The following CCSER1 variants were observed in gnomAD, a reference collection of about 807,000 sequenced individuals.
The protein encoded by CCSER1 is coiled-coil serine rich protein 1, also known as serine-rich coiled-coil domain-containing protein 1.
CCSER1 carries 41 observed loss-of-function variants against 82.0 expected under a neutral mutation model. The ratio of observed to expected loss-of-function variants is 0.50; its 90% confidence interval spans 0.39 to 0.65. CCSER1 has a LOEUF of 0.65. Ranked by LOEUF, CCSER1 falls within the 30% of genes least tolerant of loss-of-function variation. CCSER1 has a pLI of 0.00. For synonymous variants in CCSER1, 414 were observed against 383.9 expected (o/e 1.08, Z -0.92); for missense variants, 1,119 against 1,064.2 (o/e 1.05, Z -0.72).
intron 5 of CCSER1, among the ~76,000 whole-genome samples, chr4:90,536,411 G>T (rs1405212927): frequency 6.6e-6 from 1 of 152,128 alleles, no homozygotes; most frequent in East Asian, 1.9e-4. Flanking sequence ...TTGCAAGATA[G>T]CAGGGAGGAT....
At chr4:90,253,466 T>C (rs1310886084) in intron 1 of CCSER1, among the ~76,000 whole-genome samples, 3 of 152,212 alleles carry the variant, frequency 2.0e-5, no homozygotes, top group Non-Finnish European at 4.4e-5. Context: ...CAATATGAAA[T>C]ACTTGATTGA....
At chr4:90,718,796 G>A (rs1267290660) in intron 6 of CCSER1, among the ~76,000 whole-genome samples, 2 of 152,068 alleles carry the variant, frequency 1.3e-5, no homozygotes, top group Middle Eastern at 6.8e-3. Flanking sequence ...TTTTAATTGG[G>A]GAATAGTTTT....
chr4:90,440,667 CT>C (rs1446096409), intron 4 of CCSER1, among the ~76,000 whole-genome samples: 1 of 151,990 alleles, frequency 6.6e-6, no homozygotes, highest in South Asian at 2.1e-4. Flanking sequence ...TGTGACAGTT[CT>C]TTTTATTACC....
chr4:91,400,629 A>G (rs1297304615), intron 10 of CCSER1, among the ~76,000 whole-genome samples: 1 of 150,758 alleles, frequency 6.6e-6, no homozygotes, highest in Non-Finnish European at 1.5e-5. Flanking sequence ...TTGGAACACT[A>G]TTTGTAGTGT....
chr4:90,263,093 A>T (rs1724625804), intron 1 of CCSER1, among the ~76,000 whole-genome samples: 1 of 152,142 alleles, frequency 6.6e-6, no homozygotes, highest in Admixed American at 6.5e-5. Context: ...TTCTCCACTG[A>T]GCCCAGTGCT....
intron 10 of CCSER1, among the ~76,000 whole-genome samples, chr4:91,456,850 A>G (rs1756206577): frequency 6.6e-6 from 1 of 152,100 alleles, no homozygotes; most frequent in Admixed American, 6.6e-5. Context: ...TTGTTTGCCA[A>G]TCTGGATAAA....
At chr4:90,325,751 A>G (rs1404731705) in intron 3 of CCSER1, 2 of 356,054 alleles carry the variant, frequency 5.6e-6, no homozygotes, top group Non-Finnish European at 1.2e-5. Context: ...GATTTATTTT[A>G]TACTTATTTT....
chr4:90,623,197 A>ATTTT (rs113601585), intron 5 of CCSER1, among the ~76,000 whole-genome samples: 1 of 147,352 alleles, frequency 6.8e-6, no homozygotes, highest in African/African-American at 2.5e-5. Flanking sequence ...CCGGCTAATT[A>ATTTT]TTTTTTTTTT....
intron 3 of CCSER1, among the ~76,000 whole-genome samples, chr4:90,356,586 C>T (rs1744411559): frequency 6.6e-6 from 1 of 151,392 alleles, no homozygotes; most frequent in Non-Finnish European, 1.5e-5. Context: ...GATAATAATC[C>T]CTACCTCATA....
intron 10 of CCSER1, among the ~76,000 whole-genome samples, chr4:91,452,633 T>A (rs547946134): frequency 6.6e-6 from 1 of 152,022 alleles, no homozygotes; most frequent in Non-Finnish European, 1.5e-5. Flanking sequence ...TGAGATACTA[T>A]AGAAGCTAAA....
rs138830929 is a variant in CCSER1 at position 91,227,004 on chromosome 4, T to G, written c.2217+141010T>G. Among the ~76,000 whole-genome samples, 225 of 151,970 alleles carry G rather than the reference T, an allele frequency of 1.5e-3. 6 individuals carry two copies. In the South Asian group the frequency reaches 0.024, roughly 17 times the overall value. The stretch of plus-strand genomic sequence containing the variant: ...ATTACATGAATTGATCCACATCTAT[T>G]AGCACAGTGCCTGACATAACTGCAC... On this transcript the variant is annotated intron_variant, in intron 10 of 10. Coordinates refer to ENST00000509176, the MANE Select transcript of CCSER1 (RefSeq NM_001145065.2).
Position 91,079,595 on chromosome 4 carries a change from TAAATGCTCC to T in CCSER1, c.2173-6350_2173-6342del, listed in dbSNP as rs534864319. ...ATATGAATCTTAAATGTAAATGGGCTAAATGCTCCAAATAAAAGACACAGACTGGCAAAT... is the reference window on the plus strand; with the variant it reads ...ATATGAATCTTAAATGTAAATGGGCTAAATAAAAGACACAGACTGGCAAAT... On this transcript the variant is annotated intron_variant, in intron 9 of 10. Coordinates refer to ENST00000509176, the MANE Select transcript of CCSER1 (RefSeq NM_001145065.2). Among the ~76,000 whole-genome samples, 18 of 152,316 alleles carry T rather than the reference TAAATGCTCC, an allele frequency of 1.2e-4. No homozygotes were observed. The East Asian group carries it at 2.9e-3, about 24-fold the overall frequency.
Position 90,648,274 on chromosome 4 carries a change from G to GAGGA in CCSER1, c.1932+20044_1932+20045insGAAG, listed in dbSNP as rs1727979839. ...GAAAAAAAGAAGAAAGAAAGAGAGA[G>GAGGA]AGAAAGAAAGGAAAGAAAGAAAGAA... On this transcript the variant is annotated intron_variant, in intron 6 of 10. Transcript: ENST00000509176. Among the ~76,000 whole-genome samples, 3 of 100,800 alleles carry GAGGA rather than the reference G, an allele frequency of 3.0e-5. No homozygotes were observed. The East Asian group carries it at 8.4e-4, about 28-fold the overall frequency. 66.1% of individuals were successfully genotyped at this position (100,800 alleles called of 152,430 possible).
At chr4:91,429,788 A>G (rs1006686741) in intron 10 of CCSER1, among the ~76,000 whole-genome samples, 3 of 151,890 alleles carry the variant, frequency 2.0e-5, no homozygotes, top group African/African-American at 7.2e-5. Context: ...ATTAAGTACT[A>G]TTGAATGTAA....
chr4:90,602,045 A>C (rs1426086613), intron 5 of CCSER1, among the ~76,000 whole-genome samples: 2 of 152,096 alleles, frequency 1.3e-5, no homozygotes, highest in African/African-American at 4.8e-5. Context: ...GTGGTCTATA[A>C]ATTTCTGGTA....
chr4:91,198,133 G>T (rs1041402291), intron 10 of CCSER1, among the ~76,000 whole-genome samples: 2 of 152,076 alleles, frequency 1.3e-5, no homozygotes, highest in Non-Finnish European at 2.9e-5. Context: ...ACAAATGACA[G>T]ATAATTGAAC....
chr4:90,598,553 G>A (rs1783648356), intron 5 of CCSER1, among the ~76,000 whole-genome samples: 1 of 152,178 alleles, frequency 6.6e-6, no homozygotes, highest in South Asian at 2.1e-4. Context: ...GTATTTGCCT[G>A]ATGATTACTG....
chr4:91,116,777 A>T (rs1031685711), intron 10 of CCSER1, among the ~76,000 whole-genome samples: 2 of 151,922 alleles, frequency 1.3e-5, no homozygotes, highest in Non-Finnish European at 2.9e-5. Context: ...AACAGGGATC[A>T]TTTTTTTTAC....
chr4:90,479,632 T>A (rs1765623770), intron 5 of CCSER1, among the ~76,000 whole-genome samples: 1 of 152,002 alleles, frequency 6.6e-6, no homozygotes, highest in Admixed American at 6.6e-5. Context: ...CGGTGTTTGG[T>A]TTTTTGTCCT....
Sources: gnomAD v4.1 joint callset for allele counts (sites outside exome capture counted in the v4.1 genomes callset) on GRCh38, gnomAD v4.1.1 for gene constraint, MANE v1.5 for transcripts, NCBI Gene and HGNC (gene_info 2026-07-23, HGNC 2026-07-21) for gene names.